Variants in NOXO1 observed in about 807,000 individuals in gnomAD.
NOXO1 encodes the protein NADPH oxidase organizer 1.
Under a neutral mutation model 33.3 loss-of-function variants are expected in NOXO1, and 38 were observed. The observed-to-expected ratio is 1.14, with a 90% CI of 0.88 to 1.50. NOXO1 has a LOEUF of 1.50. Ranked by LOEUF, NOXO1 falls within the 40% of genes most tolerant of loss-of-function variation. The pLI, the probability that NOXO1 is intolerant of heterozygous loss-of-function variation, is 0.00. For missense variants in NOXO1, 675 were observed against 527.1 expected (o/e 1.28, Z -2.75); for synonymous variants, 302 against 237.3 (o/e 1.27, Z -2.51).
rs1454585292 is a variant in NOXO1 at position 1,980,129 on chromosome 16, G to T, written c.454C>A (p.Arg152Ser). Reference sequence around the variant, plus strand: ...GCCTCCAGACTGTGGATGGAGAGGCGGCCCGCAGCGCGAGAAAGAGGCTGC... The same window carrying T: ...GCCTCCAGACTGTGGATGGAGAGGCTGCCCGCAGCGCGAGAAAGAGGCTGC... Reference protein sequence around the residue: ...EEQPLSRAAGRLSIHSLEAQS... With the variant: ...EEQPLSRAAGSLSIHSLEAQS... The change falls in exon 5 of 8, where the codon CGC (arginine) becomes AGC (serine). Residue 152 changes from arginine to serine, a missense_variant. Coordinates refer to ENST00000356120, the MANE Select transcript of NOXO1 (RefSeq NM_172167.3). The T allele has an allele frequency of 1.9e-6, 3 of 1,606,600 alleles. No individual in the cohort carries two copies. In the Admixed American group the frequency reaches 5.1e-5, roughly 27 times the overall value.
In NOXO1 at chr16:1,980,715, G is replaced by C. The variant is rs778890957; in HGVS notation, c.164C>G (p.Thr55Ser). The change falls in exon 3 of 8, where the codon ACC becomes AGC. Residue 55 changes from threonine to serine, a missense_variant. Thr to Ser is a moderately conservative substitution (Grantham distance 58). Transcript: ENST00000356120. ...CAGCAGGCCCGCCTCCACCGGGAAGGTCTCCTTGAGGGTCTTCTGAGGGCG... is the reference window on the plus strand; with the variant it reads ...CAGCAGGCCCGCCTCCACCGGGAAGCTCTCCTTGAGGGTCTTCTGAGGGCG... ...FRQLKKTLKE[T>S]FPVEAGLLRR... The C allele has an allele frequency of 6.2e-7, 1 of 1,604,446 alleles. No homozygotes were observed. Among genetic ancestry groups the C allele is most frequent in the Admixed American group, 1.7e-5 (1 of 58,880 alleles).
At chr16:1,979,959 G>A in intron 5 of NOXO1, 38 bp downstream of exon 5, 1 of 1,584,430 alleles carries the variant, frequency 6.3e-7, no homozygotes, top group Non-Finnish European at 8.6e-7. Context: ...GGGTCCAGGA[G>A]CAGAGGAGCA....
chr16:1,979,072 G>A lies in NOXO1; in HGVS notation c.1096C>T (p.His366Tyr), dbSNP rs1324284391. 1.3e-6 allele frequency: 2 copies of A among 1,540,136 alleles called. No homozygotes were observed. Among genetic ancestry groups the A allele is most frequent in the East Asian group, 4.9e-5 (2 of 40,974 alleles). Residue 366 changes from histidine (H) to tyrosine (Y), a missense_variant, in exon 8 of 8, where the codon CAC becomes TAC. Coordinates refer to ENST00000356120, the MANE Select transcript of NOXO1 (RefSeq NM_172167.3). ...CGCGCTCACTGCTCCGTCGTGGGGTGCGGCACAGAGTCCACGCACCCTCGA... is the reference window on the plus strand; with the variant it reads ...CGCGCTCACTGCTCCGTCGTGGGGTACGGCACAGAGTCCACGCACCCTCGA... ...RPRGCVDSVP[H>Y]PTTEQ
At position 1,981,368 on chromosome 16, in the gene NOXO1, C is replaced by T; in HGVS notation, c.-189G>A. 1 of 1,389,894 alleles carries T rather than the reference C, an allele frequency of 7.2e-7. No individual in the cohort carries two copies. The highest frequency in any genetic ancestry group is 1.4e-5 in the African/African-American group (1 of 69,026). 86.1% of individuals were successfully genotyped at this position (1,389,894 alleles called of 1,614,324 possible). On this transcript the variant is annotated 5_prime_UTR_variant, in exon 1 of 8. Coordinates refer to ENST00000356120, the MANE Select transcript of NOXO1 (RefSeq NM_172167.3). ...CAGCTTTCTTGCTGTCCCCCAAGCC[C>T]ACGATCTGGGGGCAGGAGCACAGGG...
In NOXO1 at chr16:1,981,359, C is replaced by T. The variant is rs564949529; in HGVS notation, c.-180G>A. On this transcript the variant is annotated 5_prime_UTR_variant, in exon 1 of 8. Transcript: ENST00000356120. ...AGTCCTTTGCAGCTTTCTTGCTGTCCCCCAAGCCCACGATCTGGGGGCAGG... is the reference window on the plus strand; with the variant it reads ...AGTCCTTTGCAGCTTTCTTGCTGTCTCCCAAGCCCACGATCTGGGGGCAGG... 13 of 1,417,146 alleles carry T rather than the reference C, an allele frequency of 9.2e-6. No homozygotes were observed. In the Admixed American group the frequency reaches 1.4e-4, roughly 16 times the overall value. 87.8% of individuals were successfully genotyped at this position (1,417,146 alleles called of 1,614,324 possible).
rs111267512 is a variant in NOXO1, at chr16:1,980,158, T to G, written c.425A>C (p.Glu142Ala). Reference protein sequence around the residue: ...PGSRVILPTPEEQPLSRAAGR... With the variant: ...PGSRVILPTPAEQPLSRAAGR... ...CGCAGCGCGAGAAAGAGGCTGCTCC[T>G]CTGGGGTGGGCAGGATCACCCGGCT... Residue 142 changes from glutamate (E) to alanine (A), a missense_variant, in exon 5 of 8, where the codon GAG becomes GCG. Transcript: ENST00000356120. The G allele has an allele frequency of 1.2e-6, 2 of 1,604,142 alleles. No homozygotes were observed.
rs1278133396 is a variant in NOXO1, at chr16:1,980,562, A to C, written c.224-18T>G. 1.9e-6 allele frequency: 3 copies of C among 1,598,176 alleles called. No homozygotes were observed. The highest frequency in any genetic ancestry group is 2.6e-6 in the Non-Finnish European group (3 of 1,172,064). ...TGGTGCATCTTAAGGCACCACAAAA[A>C]CGTACTGTGATACGCCGCTTTGGGC... is the stretch of plus-strand genomic sequence containing the variant. On this transcript the variant is annotated intron_variant, in intron 3 of 7. Coordinates refer to ENST00000356120, the MANE Select transcript of NOXO1 (RefSeq NM_172167.3).
chr16:1,980,680 C>G lies in NOXO1; in HGVS notation c.199G>C (p.Asp67His), dbSNP rs1237222334. Residue 67 changes from aspartate (D) to histidine (H), a missense_variant, in exon 3 of 8, where the codon GAC (aspartate) becomes CAC (histidine). By Grantham distance (81) the Asp-to-His change is moderately conservative. Coordinates refer to ENST00000356120, the MANE Select transcript of NOXO1 (RefSeq NM_172167.3). ...PVEAGLLRRS[D>H]RVLPKLLDAP... ...CCGAGAAGCTTTGGGAGAACGCGGT[C>G]AGATCTCCGCAGCAGGCCCGCCTCC... 6.2e-7 allele frequency: 1 copy of G among 1,606,864 alleles called. No individual in the cohort carries two copies. The highest frequency in any genetic ancestry group is 8.5e-7 in the Non-Finnish European group (1 of 1,177,174).
rs780234420 is a variant in NOXO1 at position 1,980,641 on chromosome 16, C to G, written c.223+15G>C. ...GCCACCGCCTTCCCCGCTCCCGTAC[C>G]CAGGCTGGCCTGACCGAGAAGCTTT... On this transcript the variant is annotated intron_variant, in intron 3 of 7. Transcript: ENST00000356120. 1 of 1,601,794 alleles carries G rather than the reference C, an allele frequency of 6.2e-7. No homozygotes were observed. Among genetic ancestry groups the G allele is most frequent in the Non-Finnish European group, 8.5e-7 (1 of 1,173,912 alleles).
In NOXO1 at chr16:1,979,424, C is replaced by A. The variant is rs758278192; in HGVS notation, c.818+1G>T. 6.2e-6 allele frequency: 10 copies of A among 1,607,996 alleles called. No homozygotes were observed. Among genetic ancestry groups the A allele is most frequent in the Non-Finnish European group, 8.5e-6 (10 of 1,178,826 alleles). ...CCCTGCCCACGCCCGCTCCCGCGTACCTGCATAGCCACCAGCCGCGGTCTG... is the reference window on the plus strand; with the variant it reads ...CCCTGCCCACGCCCGCTCCCGCGTAACTGCATAGCCACCAGCCGCGGTCTG... On this transcript the variant is annotated splice_donor_variant, in intron 7 of 7. Transcript: ENST00000356120. LOFTEE classifies it high-confidence loss of function.
rs746851982 is a variant in NOXO1, at chr16:1,979,350, CT to C, written c.819-2del. 2.0e-5 allele frequency: 31 copies of C among 1,581,124 alleles called. No individual in the cohort carries two copies. The South Asian group carries it at 2.9e-4, about 15-fold the overall frequency. On this transcript the variant is annotated splice_acceptor_variant, in intron 7 of 7. Coordinates refer to ENST00000356120, the MANE Select transcript of NOXO1 (RefSeq NM_172167.3). LOFTEE classifies it high-confidence loss of function. ...GAGTAGGCCCGCCCGGTCGCCGTAC[CT>C]GCGAGGGGCGGGGTGTGGTTAGGGC... is the stretch of plus-strand genomic sequence containing the variant.
intron 1 of NOXO1, 29 bp from the exon 2 acceptor site, chr16:1,981,048 G>A (rs1159128382): frequency 6.2e-7 from 1 of 1,611,790 alleles, no homozygotes; most frequent in African/African-American, 1.3e-5. Context: ...GGAGTGCCGT[G>A]GAGGTGCTGG....
chr16:1,979,209 G>A lies in NOXO1; in HGVS notation c.959C>T (p.Thr320Ile), dbSNP rs370849919. ...ARGFPEPSQATAPPPTVPTRP... is the reference protein window; with the variant it reads ...ARGFPEPSQAIAPPPTVPTRP... ...GGTGGGCACGGTGGGGGGAGGGGCG[G>A]TGGCCTGGGAGGGTTCAGGGAAGCC... is the stretch of plus-strand genomic sequence containing the variant. Residue 320 changes from threonine to isoleucine, a missense_variant, in exon 8 of 8, where the codon ACC becomes ATC. Coordinates refer to ENST00000356120, the MANE Select transcript of NOXO1 (RefSeq NM_172167.3). 1.7e-4 allele frequency: 255 copies of A among 1,467,212 alleles called. No individual in the cohort carries two copies. The East Asian group carries it at 6.0e-3, about 35-fold the overall frequency. The allele number at this position is 1,467,212 out of a possible 1,614,324, so 90.9% of individuals were successfully genotyped here. A position where few individuals can be genotyped will look rare whatever the true frequency, so the allele number is the denominator to read the frequency against.
At chr16:1,980,291 G>A (rs991679611) in intron 4 of NOXO1, 76 bp downstream of exon 4, 14 of 1,524,602 alleles carry the variant, frequency 9.2e-6, no homozygotes, top group Admixed American at 7.7e-5. Context: ...CTATTCGCTG[G>A]CTGTTCCCCC....
rs774382052 is a variant in NOXO1 at position 1,981,193 on chromosome 16, A to G, written c.-14T>C. 1.2e-5 allele frequency: 20 copies of G among 1,613,460 alleles called. No individual in the cohort carries two copies. The highest frequency in any genetic ancestry group is 1.7e-4 in the Middle Eastern group (1 of 6,022). On this transcript the variant is annotated 5_prime_UTR_variant, in exon 1 of 8. Coordinates refer to ENST00000356120, the MANE Select transcript of NOXO1 (RefSeq NM_172167.3). ...GGGGCCTGCCATGGCTGTGGCTTCC[A>G]GGCTGCAGATTCCTGAAATGGGCGA...
Position 1,981,219 on chromosome 16 carries a change from G to T in NOXO1, c.-40C>A, listed in dbSNP as rs1022265297. On this transcript the variant is annotated 5_prime_UTR_variant, in exon 1 of 8. Coordinates refer to ENST00000356120, the MANE Select transcript of NOXO1 (RefSeq NM_172167.3). ...GGCTGCAGATTCCTGAAATGGGCGA[G>T]GACCCTTCTGCCTCCCCGTGCTTGA... 2 of 1,612,356 alleles carry T rather than the reference G, an allele frequency of 1.2e-6. No homozygotes were observed. Among genetic ancestry groups the T allele is most frequent in the East Asian group, 2.2e-5 (1 of 44,874 alleles).
intron 3 of NOXO1, 46 bp from the exon 4 acceptor site, chr16:1,980,590 C>T (rs2083485155): frequency 6.3e-7 from 1 of 1,594,334 alleles, no homozygotes; most frequent in Non-Finnish European, 8.6e-7. Context: ...CTTTGGGCTT[C>T]ACTGGTCCCT....
In NOXO1 at chr16:1,979,942, C is replaced by G. The variant is rs754232606; in HGVS notation, c.587-39G>C. 3.2e-6 allele frequency: 5 copies of G among 1,576,034 alleles called. No individual in the cohort carries two copies. In the Admixed American group the frequency reaches 7.3e-5, roughly 23 times the overall value. On this transcript the variant is annotated intron_variant, in intron 5 of 7. Coordinates refer to ENST00000356120, the MANE Select transcript of NOXO1 (RefSeq NM_172167.3). The stretch of plus-strand genomic sequence containing the variant: ...GCGGGCAGGGACTCAAATCTCGAGG[C>G]TCCCTCGGGTCCAGGAGCAGAGGAG...
chr16:1,980,341 C>T (rs1207445352), intron 4 of NOXO1, 26 bp downstream of exon 4: 2 of 1,591,288 alleles, frequency 1.3e-6, no homozygotes, highest in African/African-American at 2.7e-5. Context: ...CCGCTGCATG[C>T]TGGGAGTTTG....
Sources: allele counts gnomAD v4.1 joint callset, GRCh38; gene constraint gnomAD v4.1.1; transcripts MANE v1.5; gene names NCBI Gene and HGNC (gene_info 2026-07-23, HGNC 2026-07-21).